KCNH8: variants seen among roughly 807,000 people sequenced by gnomAD.
KCNH8 encodes potassium voltage-gated channel subfamily H member 8, also known as voltage-gated delayed rectifier potassium channel KCNH8.
Under a neutral mutation model 103.6 loss-of-function variants are expected in KCNH8, and 70 were observed. The observed-to-expected ratio is 0.68, with a 90% CI of 0.56 to 0.82. The LOEUF (loss-of-function observed/expected upper bound fraction) is 0.82, where lower values mean the gene tolerates loss of function less well. KCNH8 is among the 40% of genes least tolerant of loss of function. The pLI, the probability that KCNH8 is intolerant of heterozygous loss-of-function variation, is 0.00. For synonymous variants in KCNH8, 498 were observed against 489.4 expected (o/e 1.02, Z -0.23); for missense variants, 1,217 against 1,329.9 (o/e 0.92, Z 1.32).
chr3:19,253,607 C>A, intron 1 of KCNH8, 47 bp from the exon 2 acceptor site: 1 of 1,374,116 alleles, frequency 7.3e-7, no homozygotes, highest in Non-Finnish European at 1.0e-6. Context: ...TGTATAAATT[C>A]TCACACTTAT....
At chr3:19,175,220 A>ATTTTT (rs200814505) in intron 1 of KCNH8, among the ~76,000 whole-genome samples, 1 of 137,686 alleles carries the variant, frequency 7.3e-6, no homozygotes, top group Admixed American at 7.3e-5. Context: ...CTGTTTTGTA[A>ATTTTT]TTTTTTTTTT....
chr3:19,281,950 G>T (rs537869426), intron 3 of KCNH8, among the ~76,000 whole-genome samples: 1 of 152,136 alleles, frequency 6.6e-6, no homozygotes, highest in African/African-American at 2.4e-5. Context: ...TTTGCATTTT[G>T]TATAAGCTGA....
At chr3:19,498,847 G>T (rs1220906548) in intron 11 of KCNH8, among the ~76,000 whole-genome samples, 1 of 151,838 alleles carries the variant, frequency 6.6e-6, no homozygotes, top group Non-Finnish European at 1.5e-5. Context: ...GCCGTATGAG[G>T]TGTCAGTCTG....
At chr3:19,322,000 T>C (rs1161631705) in intron 3 of KCNH8, among the ~76,000 whole-genome samples, 5 of 152,130 alleles carry the variant, frequency 3.3e-5, no homozygotes, top group Non-Finnish European at 7.4e-5. Context: ...GATATAAGAA[T>C]AGCTACTACT....
chr3:19,503,653 T>C (rs1445339958), intron 11 of KCNH8, among the ~76,000 whole-genome samples: 1 of 152,002 alleles, frequency 6.6e-6, no homozygotes, highest in East Asian at 1.9e-4. Context: ...TTGGAAATCA[T>C]CATTCTCAGT....
At chr3:19,234,343 T>C (rs1052809978) in intron 1 of KCNH8, among the ~76,000 whole-genome samples, 187 of 152,218 alleles carry the variant, frequency 1.2e-3, no homozygotes, top group African/African-American at 4.3e-3. Context: ...GGGGCGCCGC[T>C]CGTGGGGAGG....
chr3:19,242,930 G>T (rs1289762177), intron 1 of KCNH8, among the ~76,000 whole-genome samples: 1 of 152,176 alleles, frequency 6.6e-6, no homozygotes, highest in Non-Finnish European at 1.5e-5. Flanking sequence ...CCTAGCTGTA[G>T]TTCACCTCTA....
rs139783824 is a variant in KCNH8, at chr3:19,514,736, T to C, written c.2436-586T>C. ...TTTAGAGTTTTCTCTAAGTCTAGAGTAGAGGTGTAATCAAATTTATTTTCT... is the reference window on the plus strand; with the variant it reads ...TTTAGAGTTTTCTCTAAGTCTAGAGCAGAGGTGTAATCAAATTTATTTTCT... On this transcript the variant is annotated intron_variant, in intron 13 of 15. Transcript: ENST00000328405. 4.5e-3 allele frequency among the ~76,000 whole-genome samples: 682 copies of C among 151,654 alleles called. 4 individuals are homozygous for C. Among genetic ancestry groups the C allele is most frequent in the South Asian group, 0.019 (93 of 4,804 alleles).
At chr3:19,234,088 C>A (rs957164412) in intron 1 of KCNH8, among the ~76,000 whole-genome samples, 71 of 152,270 alleles carry the variant, frequency 4.7e-4, no homozygotes, top group African/African-American at 1.7e-3. Flanking sequence ...TTATCTGGCC[C>A]CACTCACATC....
rs147882746 is a variant in KCNH8 at position 19,504,966 on chromosome 3, G to GATAT, written c.2041-5383_2041-5380dup. On this transcript the variant is annotated intron_variant, in intron 11 of 15. Transcript: ENST00000328405. ...ATAGACTAGATAAAAGAAAATGTGA[G>GATAT]ATATATATATATATATACACATATA... is the stretch of plus-strand genomic sequence containing the variant. 6.1e-3 allele frequency among the ~76,000 whole-genome samples: 884 copies of GATAT among 146,108 alleles called. 10 individuals are homozygous for GATAT. Among genetic ancestry groups the GATAT allele is most frequent in the Non-Finnish European group, 8.9e-3 (588 of 66,192 alleles).
At chr3:19,156,266 CT>C (rs2063180282) in intron 1 of KCNH8, among the ~76,000 whole-genome samples, 1 of 152,156 alleles carries the variant, frequency 6.6e-6, no homozygotes, top group East Asian at 1.9e-4. Flanking sequence ...GCAGCACCCA[CT>C]TTTTGAGTCA....
intron 3 of KCNH8, among the ~76,000 whole-genome samples, chr3:19,293,901 G>A (rs2064962655): frequency 6.6e-6 from 1 of 152,180 alleles, no homozygotes. Flanking sequence ...AATTTAGGAT[G>A]CTTGGCTCTT....
At chr3:19,471,675 G>T (rs1352316535) in intron 11 of KCNH8, among the ~76,000 whole-genome samples, 1 of 152,154 alleles carries the variant, frequency 6.6e-6, no homozygotes, top group Admixed American at 6.5e-5. Flanking sequence ...AAAGAGGAAA[G>T]AAAAACTGGT....
At chr3:19,351,992 A>G (rs566411120) in intron 5 of KCNH8, among the ~76,000 whole-genome samples, 5 of 152,288 alleles carry the variant, frequency 3.3e-5, no homozygotes, top group East Asian at 1.9e-4. Flanking sequence ...CAGGAGACCC[A>G]TCTCATGTTC....
At chr3:19,406,992 A>G (rs1003133326) in intron 7 of KCNH8, among the ~76,000 whole-genome samples, 12 of 152,192 alleles carry the variant, frequency 7.9e-5, no homozygotes, top group Non-Finnish European at 1.6e-4. Context: ...CTACTCCAGA[A>G]TATTTCTGAA....
chr3:19,261,567 T>C (rs113733190), intron 2 of KCNH8, among the ~76,000 whole-genome samples: 1,731 of 151,898 alleles, frequency 0.011, 41 homozygotes, highest in African/African-American at 0.039. Flanking sequence ...TGTTGACTGT[T>C]TCCCTTGCTA....
chr3:19,281,720 T>A (rs2064759551), intron 3 of KCNH8, among the ~76,000 whole-genome samples: 1 of 152,108 alleles, frequency 6.6e-6, no homozygotes, highest in Non-Finnish European at 1.5e-5. Flanking sequence ...AGCTCAAAAC[T>A]TAGATGTGCG....
chr3:19,431,049 C>A (rs1264755961), intron 7 of KCNH8, among the ~76,000 whole-genome samples: 1 of 152,146 alleles, frequency 6.6e-6, no homozygotes, highest in Non-Finnish European at 1.5e-5. Flanking sequence ...GAGAGGGCAT[C>A]CTTGTCTTTT....
At chr3:19,348,546 G>A (rs1052080587) in intron 5 of KCNH8, among the ~76,000 whole-genome samples, 2 of 152,188 alleles carry the variant, frequency 1.3e-5, no homozygotes, top group South Asian at 4.1e-4. Flanking sequence ...AGTTGAAGCT[G>A]CGTCTGTGCC....
Sources: allele counts gnomAD v4.1 joint callset (sites outside exome capture counted in the v4.1 genomes callset), GRCh38; gene constraint gnomAD v4.1.1; transcripts MANE v1.5; gene names NCBI Gene and HGNC (gene_info 2026-07-23, HGNC 2026-07-21).